CFAP46: variants seen among roughly 807,000 people sequenced by gnomAD.
CFAP46 encodes cilia- and flagella-associated protein 46.
CFAP46 carries 245 observed loss-of-function variants against 325.7 expected under a neutral mutation model. The observed-to-expected ratio is 0.75, with a 90% CI of 0.68 to 0.84. CFAP46 has a LOEUF of 0.84. CFAP46 is among the 40% of genes least tolerant of loss of function. CFAP46 has a pLI of 0.00. For missense variants in CFAP46, 3,346 were observed against 3,543.0 expected (o/e 0.94, Z 1.41); for synonymous variants, 1,523 against 1,495.9 (o/e 1.02, Z -0.42).
rs1244295062 is a variant in CFAP46, at chr10:132,858,976, G to A, written c.5375+95C>T. 1.4e-5 allele frequency: 19 copies of A among 1,336,640 alleles called. No homozygotes were observed. In the South Asian group the frequency reaches 2.0e-4, roughly 14 times the overall value. The allele number at this position is 1,336,640 out of a possible 1,614,324, so 82.8% of individuals were successfully genotyped here. The stretch of plus-strand genomic sequence containing the variant: ...CTGTGGACCCCGCGGGGGTGCAGCC[G>A]GGGTGAGCCAGGCCCAGAAGGCAGG... On this transcript the variant is annotated intron_variant, in intron 38 of 57. Transcript: ENST00000368586.
rs1848896556 is a variant in CFAP46 at position 132,871,591 on chromosome 10, G to A, written c.4511+1085C>T. On this transcript the variant is annotated intron_variant, in intron 32 of 57. Coordinates refer to ENST00000368586, the MANE Select transcript of CFAP46 (RefSeq NM_001200049.3). ...GAAGGATCCAAGATTTCAGTAGAAG[G>A]AGCTACAGATGTGGAGGAAATAGCA... 3.9e-5 allele frequency among the ~76,000 whole-genome samples: 6 copies of A among 152,344 alleles called. 1 individual carries two copies. The South Asian group carries it at 1.2e-3, about 32-fold the overall frequency.
rs770591524 is a variant in CFAP46 at position 132,847,084 on chromosome 10, GGTACT to G, written c.6110_6114del (p.Gln2037ProfsTer117). 3 of 1,611,912 alleles carry G rather than the reference GGTACT, an allele frequency of 1.9e-6. No individual in the cohort carries two copies. The African/African-American group carries it at 4.0e-5, about 22-fold the overall frequency. The stretch of plus-strand genomic sequence containing the variant: ...AGCAGCACCTCTGACGCCTGAGCCA[GGTACT>G]GCTGGGCCAGAACCATCCTCCTCTG... On this transcript the variant is annotated frameshift_variant, in exon 43 of 58. Transcript: ENST00000368586. LOFTEE classifies it high-confidence loss of function. The surrounding 1 kb of genome is among the most constrained non-coding windows in gnomAD (Gnocchi z 5.2).
intron 28 of CFAP46, among the ~76,000 whole-genome samples, chr10:132,880,225 C>T (rs909282814): frequency 9.2e-5 from 14 of 152,210 alleles, no homozygotes; most frequent in African/African-American, 3.1e-4. Flanking sequence ...TGCGCACCTG[C>T]GCTCCCCACA....
chr10:132,855,108 T>C (rs965571626), intron 39 of CFAP46, among the ~76,000 whole-genome samples: 18 of 152,204 alleles, frequency 1.2e-4, no homozygotes, highest in African/African-American at 4.1e-4. Context: ...CTATTAACAC[T>C]GAGAGAGAGG....
rs1361585557 is a variant in CFAP46 at position 132,878,087 on chromosome 10, C to A, written c.4006G>T (p.Val1336Phe). The A allele has an allele frequency of 5.2e-6, 8 of 1,548,758 alleles. No homozygotes were observed. The Admixed American group carries it at 1.2e-4, about 23-fold the overall frequency. ...AYAFFRHIWQ[V>F]SLMTAGKSVL... is the part of the protein sequence containing the mutation. ...GATTTTCCTGCTGTCATCAAAGAAACCTGGTGGGGATGAAATCCACATTTG... is the reference window on the plus strand; with the variant it reads ...GATTTTCCTGCTGTCATCAAAGAAAACTGGTGGGGATGAAATCCACATTTG... The change falls in exon 30 of 58, where the codon GTT (valine) becomes TTT (phenylalanine). Residue 1336 changes from valine to phenylalanine, a missense_variant and splice_region_variant. By Grantham distance (50) the Val-to-Phe change is conservative. Coordinates refer to ENST00000368586, the MANE Select transcript of CFAP46 (RefSeq NM_001200049.3).
intron 50 of CFAP46, among the ~76,000 whole-genome samples, chr10:132,815,425 C>T (rs1847675236): frequency 1.3e-5 from 2 of 152,250 alleles, no homozygotes; most frequent in Non-Finnish European, 2.9e-5. Context: ...GGCCCACTGC[C>T]TGACCGCCTT....
At chr10:132,895,807 A>T (rs1849309365) in intron 24 of CFAP46, among the ~76,000 whole-genome samples, 1 of 152,202 alleles carries the variant, frequency 6.6e-6, no homozygotes, top group Non-Finnish European at 1.5e-5. Flanking sequence ...GAGGTAATTG[A>T]CGTTAGATAA....
chr10:132,926,454 T>C, intron 10 of CFAP46, 114 bp downstream of exon 10: 1 of 744,794 alleles, frequency 1.3e-6, no homozygotes, highest in Admixed American at 2.1e-5. Context: ...AGTCTAGCAG[T>C]GGGGTCCAGG....
At position 132,836,836 on chromosome 10, in the gene CFAP46, G is replaced by GA; in HGVS notation, c.6516dup (p.Leu2173SerfsTer68). 2 of 1,613,794 alleles carry GA rather than the reference G, an allele frequency of 1.2e-6. No homozygotes were observed. Among genetic ancestry groups the GA allele is most frequent in the Non-Finnish European group, 1.7e-6 (2 of 1,179,956 alleles). Reference sequence around the variant, plus strand: ...CTTTACCTGTCCCCTGAGAGGTGCAGAAAGAGGATCCAAAAGGTCGGAGGC... The same window carrying GA: ...CTTTACCTGTCCCCTGAGAGGTGCAGAAAAGAGGATCCAAAAGGTCGGAGGC... On this transcript the variant is annotated frameshift_variant, in exon 45 of 58. Coordinates refer to ENST00000368586, the MANE Select transcript of CFAP46 (RefSeq NM_001200049.3). LOFTEE classifies it high-confidence loss of function.
chr10:132,908,344 G>C lies in CFAP46; in HGVS notation c.2924+124C>G, dbSNP rs1183254854. 3.3e-6 allele frequency: 4 copies of C among 1,219,468 alleles called. No homozygotes were observed. In the African/African-American group the frequency reaches 6.1e-5, roughly 19 times the overall value. The allele number at this position is 1,219,468 out of a possible 1,614,324, so 75.5% of individuals were successfully genotyped here. On this transcript the variant is annotated intron_variant, in intron 22 of 57. Coordinates refer to ENST00000368586, the MANE Select transcript of CFAP46 (RefSeq NM_001200049.3). ...TGATCTGTGATCGCGGCCCAGGCCCGCGCTCCCTGCCCGTTTTGGGGAACT... is the reference window on the plus strand; with the variant it reads ...TGATCTGTGATCGCGGCCCAGGCCCCCGCTCCCTGCCCGTTTTGGGGAACT...
intron 57 of CFAP46, among the ~76,000 whole-genome samples, chr10:132,809,126 AC>A (rs1300214245): frequency 6.6e-6 from 1 of 150,382 alleles, no homozygotes; most frequent in African/African-American, 2.5e-5. Context: ...CCAGGACTGG[AC>A]CCCCGATCCG....
chr10:132,922,398 C>G (rs775381899), intron 12 of CFAP46, 82 bp downstream of exon 12: 82 of 1,459,222 alleles, frequency 5.6e-5, no homozygotes, highest in Non-Finnish European at 7.2e-5. Flanking sequence ...GCGGCTCCCG[C>G]CCTGCTGTGC....
chr10:132,865,351 C>T (rs920525782), intron 35 of CFAP46, among the ~76,000 whole-genome samples: 1 of 152,206 alleles, frequency 6.6e-6, no homozygotes, highest in Non-Finnish European at 1.5e-5. Flanking sequence ...GCAGCTGGGG[C>T]TTCCGGTGCT....
chr10:132,909,879 G>A, intron 20 of CFAP46, 40 bp downstream of exon 20: 1 of 1,381,292 alleles, frequency 7.2e-7, no homozygotes, highest in Non-Finnish European at 9.3e-7. Flanking sequence ...TATGTCCACA[G>A]GGCCTCAGTC....
chr10:132,921,998 A>AG (rs35793620), intron 13 of CFAP46, 106 bp downstream of exon 13: 3 of 1,361,922 alleles, frequency 2.2e-6, no homozygotes, highest in Non-Finnish European at 2.0e-6. Context: ...TTGTGCATCC[A>AG]GGGGGCGGTG....
At chr10:132,842,149 G>A (rs555030481) in intron 44 of CFAP46, among the ~76,000 whole-genome samples, 15 of 152,236 alleles carry the variant, frequency 9.9e-5, no homozygotes, top group South Asian at 4.2e-4. Flanking sequence ...TTGCAGCTCC[G>A]TGTAGTGGTT....
rs1188204001 is a variant in CFAP46, at chr10:132,919,567, G to T, written c.1731-125C>A. The T allele has an allele frequency of 7.7e-7, 1 of 1,303,832 alleles. No individual in the cohort carries two copies. The highest frequency in any genetic ancestry group is 1.0e-6 in the Non-Finnish European group (1 of 971,372). 80.8% of individuals were successfully genotyped at this position (1,303,832 alleles called of 1,614,324 possible). On this transcript the variant is annotated intron_variant, in intron 14 of 57. Transcript: ENST00000368586. This position sits in a 1 kb window ranked among gnomAD's most constrained non-coding sequence, Gnocchi z 9.7. ...GGCTCTGCAGTTTCAAGGTGGCAAG[G>T]AGCCCGGCACTCGCGCTGGGTACGG... is the stretch of plus-strand genomic sequence containing the variant.
At chr10:132,918,541 T>G in intron 15 of CFAP46, 21 bp from the exon 16 acceptor site, 2 of 1,504,848 alleles carry the variant, frequency 1.3e-6, no homozygotes, top group African/African-American at 1.4e-5. Flanking sequence ...TGGCAGCAGG[T>G]AAGGATCATG....
intron 35 of CFAP46, among the ~76,000 whole-genome samples, chr10:132,862,490 G>A (rs1848737280): frequency 1.3e-5 from 2 of 151,846 alleles, no homozygotes; most frequent in Admixed American, 6.5e-5. Flanking sequence ...TTCCAGTGCC[G>A]ACACTGAGTG....
Sources: gnomAD v4.1 joint callset for allele counts (sites outside exome capture counted in the v4.1 genomes callset) on GRCh38, gnomAD v4.1.1 for gene constraint, Gnocchi (gnomAD v3.1) non-coding constraint, MANE v1.5 for transcripts, NCBI Gene and HGNC (gene_info 2026-07-23, HGNC 2026-07-21) for gene names.